TMEM9: variants seen among roughly 807,000 people sequenced by gnomAD.
TMEM9 encodes transmembrane protein 9.
In TMEM9, 13 loss-of-function variants were observed where a neutral mutation model predicts 22.8. The ratio of observed to expected loss-of-function variants is 0.57; its 90% confidence interval spans 0.37 to 0.91. The LOEUF is 0.91. TMEM9 is among the 40% of genes least tolerant of loss of function. TMEM9 has a pLI of 0.01. For missense variants in TMEM9, 182 were observed against 238.1 expected (o/e 0.76, Z 1.55); for synonymous variants, 88 against 93.0 (o/e 0.95, Z 0.31).
chr1:201,146,222 T>A (rs1173893653), intron 3 of TMEM9, among the ~76,000 whole-genome samples: 1 of 152,138 alleles, frequency 6.6e-6, no homozygotes, highest in African/African-American at 2.4e-5. Context: ...AAATGATCAA[T>A]GAGAAGGTGG....
At chr1:201,147,239 C>T (rs191513922) in intron 2 of TMEM9, among the ~76,000 whole-genome samples, 96 of 152,298 alleles carry the variant, frequency 6.3e-4, no homozygotes, top group African/African-American at 2.2e-3. Flanking sequence ...GGCCGCTCTC[C>T]TCTATGAGCT....
intron 1 of TMEM9, among the ~76,000 whole-genome samples, chr1:201,165,782 C>T (rs1350709973): frequency 1.3e-5 from 2 of 152,180 alleles, no homozygotes; most frequent in South Asian, 2.1e-4. Flanking sequence ...GCCAGAATGG[C>T]AGACTGAAAT....
At chr1:201,149,370 C>T (rs767082972) in intron 2 of TMEM9, among the ~76,000 whole-genome samples, 4 of 152,120 alleles carry the variant, frequency 2.6e-5, no homozygotes, top group Non-Finnish European at 4.4e-5. Context: ...AGAGCAATTC[C>T]GACTTTTATG....
chr1:201,152,316 A>C (rs925076251), intron 1 of TMEM9, among the ~76,000 whole-genome samples: 2 of 152,228 alleles, frequency 1.3e-5, no homozygotes, highest in African/African-American at 4.8e-5. Context: ...AGGGTGAATA[A>C]GAAAAAGTGG....
At chr1:201,167,467 C>T (rs1483131888) in intron 1 of TMEM9, among the ~76,000 whole-genome samples, 1 of 152,124 alleles carries the variant, frequency 6.6e-6, no homozygotes, top group Non-Finnish European at 1.5e-5. Context: ...TGGTGTTAGA[C>T]ATGGAAAAAA....
upstream of TMEM9, among the ~76,000 whole-genome samples, chr1:201,155,080 C>T (rs1328200364): frequency 6.6e-6 from 1 of 152,108 alleles, no homozygotes; most frequent in Admixed American, 6.5e-5. Flanking sequence ...GGTGAGGGTC[C>T]CTGGCTGCTA....
chr1:201,138,131 G>C (rs1392386848), intron 4 of TMEM9, among the ~76,000 whole-genome samples: 1 of 152,120 alleles, frequency 6.6e-6, no homozygotes, highest in East Asian at 1.9e-4. Flanking sequence ...TGTGTGTGTG[G>C]GGTGGGGTGC....
At chr1:201,140,573 G>A (rs960508536) in intron 4 of TMEM9, among the ~76,000 whole-genome samples, 24 of 152,146 alleles carry the variant, frequency 1.6e-4, no homozygotes, top group Admixed American at 1.4e-3. Context: ...TCCTCTTCCA[G>A]TTCTTTACCC....
intron 4 of TMEM9, among the ~76,000 whole-genome samples, chr1:201,138,408 T>C (rs1442112184): frequency 6.6e-6 from 1 of 152,222 alleles, no homozygotes; most frequent in Non-Finnish European, 1.5e-5. Flanking sequence ...AGACTCCACA[T>C]CTGTTTCAGA....
intron 4 of TMEM9, among the ~76,000 whole-genome samples, chr1:201,137,596 A>T (rs112207523): frequency 1.2e-4 from 18 of 152,248 alleles, no homozygotes; most frequent in South Asian, 4.2e-4. Flanking sequence ...CCATTTTTTT[A>T]AAAATCCTGG....
At chr1:201,167,721 T>A (rs576586388) in intron 1 of TMEM9, among the ~76,000 whole-genome samples, 58 of 152,302 alleles carry the variant, frequency 3.8e-4, no homozygotes, top group Middle Eastern at 3.4e-3. Flanking sequence ...CAAAGTTAGT[T>A]TGGCCTAAGC....
At chr1:201,137,224 G>C (rs1452169397) in intron 4 of TMEM9, among the ~76,000 whole-genome samples, 1 of 151,868 alleles carries the variant, frequency 6.6e-6, no homozygotes, top group Non-Finnish European at 1.5e-5. Flanking sequence ...GGACCCCTGG[G>C]TTCTGTTCCT....
chr1:201,135,973 T>G (rs532304120), intron 4 of TMEM9, among the ~76,000 whole-genome samples, 158 bp from the exon 5 acceptor site: 6 of 152,296 alleles, frequency 3.9e-5, no homozygotes, highest in African/African-American at 1.4e-4. Context: ...GACCTTGCCT[T>G]GTCATCTGCA....
chr1:201,168,319 A>G (rs563110859), intron 1 of TMEM9, among the ~76,000 whole-genome samples: 1 of 152,340 alleles, frequency 6.6e-6, no homozygotes, highest in Non-Finnish European at 1.5e-5. Context: ...ATCCCCATAC[A>G]CAATCTTGTA....
intron 2 of TMEM9, 25 bp from the exon 3 acceptor site, chr1:201,146,873 T>C (rs1450731474): frequency 6.2e-7 from 1 of 1,609,918 alleles, no homozygotes. Flanking sequence ...GACAGGGCTG[T>C]CGAGGCAGGG....
intron 1 of TMEM9, among the ~76,000 whole-genome samples, chr1:201,160,954 T>C (rs1665930552): frequency 6.6e-6 from 1 of 150,422 alleles, no homozygotes; most frequent in African/African-American, 2.4e-5. Flanking sequence ...AAAAAAAATA[T>C]TGAGGACCCT....
chr1:201,165,150 TTATATATATATATA>T (rs57281429), intron 1 of TMEM9, among the ~76,000 whole-genome samples: 1 of 87,076 alleles, frequency 1.1e-5, no homozygotes, highest in Non-Finnish European at 2.6e-5. Flanking sequence ...TAAGAGAAAA[TTATATATATATATA>T]TATATATATA....
At chr1:201,166,788 G>C (rs554918606) in intron 1 of TMEM9, among the ~76,000 whole-genome samples, 17 of 152,276 alleles carry the variant, frequency 1.1e-4, no homozygotes, top group African/African-American at 3.6e-4. Context: ...CTACCATAAA[G>C]TATATAAGCC....
At chr1:201,148,621 C>G (rs944367162) in intron 2 of TMEM9, among the ~76,000 whole-genome samples, 1 of 152,216 alleles carries the variant, frequency 6.6e-6, no homozygotes, top group Non-Finnish European at 1.5e-5. Context: ...CTGCAAGAGT[C>G]AAGCATAGCT....
Sources: allele counts gnomAD v4.1 joint callset (sites outside exome capture counted in the v4.1 genomes callset), GRCh38; gene constraint gnomAD v4.1.1; transcripts MANE v1.5; gene names NCBI Gene and HGNC (gene_info 2026-07-23, HGNC 2026-07-21).